GPR84: variants seen among roughly 807,000 people sequenced by gnomAD.
GPR84 encodes G-protein coupled receptor 84.
Under a neutral mutation model 14.9 loss-of-function variants are expected in GPR84, and 8 were observed. The observed-to-expected ratio is 0.54, with a 90% CI of 0.31 to 0.97. The LOEUF is 0.97. Among genes scored for constraint, GPR84 ranks in the 50% least tolerant of loss-of-function variants. The pLI, the probability that GPR84 is intolerant of heterozygous loss-of-function variation, is 0.04. For missense variants in GPR84, 424 were observed against 498.7 expected, an observed-to-expected ratio of 0.85 and a Z score of 1.43; for synonymous variants, 164 against 198.1, an observed-to-expected ratio of 0.83 and a Z score of 1.45.
downstream of GPR84, among the ~76,000 whole-genome samples, chr12:54,361,294 G>A (rs530255186): frequency 6.6e-6 from 1 of 152,058 alleles, no homozygotes; most frequent in Non-Finnish European, 1.5e-5. The surrounding 1 kb of genome is among the most constrained non-coding windows in gnomAD (Gnocchi z 4.3). Flanking sequence ...CGATTCTCCC[G>A]TCTCAGCCTC....
At chr12:54,355,067 G>T in the GPR84 span, among the ~76,000 whole-genome samples, 5 of 152,094 alleles carry the variant, frequency 3.3e-5, no homozygotes, top group African/African-American at 1.2e-4. Flanking sequence ...GGGGAGGGGC[G>T]AGAGGGAGAC....
downstream of GPR84, among the ~76,000 whole-genome samples, chr12:54,360,583 G>A (rs1224404579): frequency 2.6e-5 from 4 of 152,160 alleles, no homozygotes; most frequent in Non-Finnish European, 4.4e-5. Flanking sequence ...CGTGGAAGGA[G>A]GACAACCAAA....
chr12:54,360,384 A>T (rs180999198), downstream of GPR84, among the ~76,000 whole-genome samples: 1 of 152,320 alleles, frequency 6.6e-6, no homozygotes, highest in Admixed American at 6.5e-5. Context: ...CGCTTTGTAC[A>T]GATGATAAAA....
At position 54,363,572 on chromosome 12, in the gene GPR84, T is replaced by G. The variant is rs777713183; in HGVS notation, c.280A>C (p.Arg94=). ...LHWRTGATFC[R]VFGLLLFASN... ...GCAAAAAGGAGGAGCCCAAATACCC[T>G]GCAGAAGGTGGCACCGGTGCGCCAG... Residue 94 remains arginine (R), a synonymous_variant, in exon 2 of 2, where the codon AGG becomes CGG. Transcript: ENST00000267015. 12 of 1,614,126 alleles carry G rather than the reference T, an allele frequency of 7.4e-6. No individual in the cohort carries two copies. In the South Asian group the frequency reaches 1.2e-4, roughly 16 times the overall value.
rs772581482 is a variant in GPR84, at chr12:54,363,683, G to C, written c.169C>G (p.Leu57Val). The change falls in exon 2 of 2, where the codon CTG becomes GTG. Residue 57 changes from leucine to valine, a missense_variant. Transcript: ENST00000267015. Reference sequence around the variant, plus strand: ...GCCAGTGTGAGGTTGGCTATGAGCAGGTTGAATCGGGTACGGAGCTTGGGC... The same window carrying C: ...GCCAGTGTGAGGTTGGCTATGAGCACGTTGAATCGGGTACGGAGCTTGGGC... ...IQPKLRTRFN[L>V]LIANLTLADL... 1 of 1,614,090 alleles carries C rather than the reference G, an allele frequency of 6.2e-7. No individual in the cohort carries two copies. The highest frequency in any genetic ancestry group is 1.7e-5 in the Admixed American group (1 of 60,004).
In GPR84 at chr12:54,364,020, C is replaced by A. The variant is rs528359599; in HGVS notation, c.-8-161G>T. On this transcript the variant is annotated intron_variant, in intron 1 of 1. Coordinates refer to ENST00000267015, the MANE Select transcript of GPR84 (RefSeq NM_020370.3). ...TTCCCAGGCCTCTTCATCTCAAGAT[C>A]CCTAACTCTCTCCTTAGGTTCTCTT... The A allele has an allele frequency of 2.8e-3, 1,494 of 525,572 alleles. 3 individuals carry two copies. Among genetic ancestry groups the A allele is most frequent in the Non-Finnish European group, 4.1e-3 (1,211 of 296,544 alleles). 32.6% of individuals were successfully genotyped at this position (525,572 alleles called of 1,614,324 possible).
chr12:54,352,906 G>A, the GPR84 span, among the ~76,000 whole-genome samples: 1 of 152,190 alleles, frequency 6.6e-6, no homozygotes, highest in African/African-American at 2.4e-5. Flanking sequence ...TTTTGTCTTT[G>A]CCTGTCTGAG....
At chr12:54,363,955 G>C (rs1229469746) in intron 1 of GPR84, 96 bp from the exon 2 acceptor site, 4 of 758,798 alleles carry the variant, frequency 5.3e-6, no homozygotes, top group African/African-American at 5.3e-5. Context: ...CATCTAAACT[G>C]TTCCTGGACC....
At chr12:54,358,761 A>AC (rs538187487), downstream of GPR84, among the ~76,000 whole-genome samples, 15 of 148,716 alleles carry the variant, frequency 1.0e-4, no homozygotes, top group South Asian at 3.0e-3. Flanking sequence ...AAATTACCCA[A>AC]CCCCCCATTT....
downstream of GPR84, among the ~76,000 whole-genome samples, chr12:54,359,532 T>C (rs889664906): frequency 5.3e-5 from 8 of 151,146 alleles, no homozygotes; most frequent in Non-Finnish European, 1.0e-4. Flanking sequence ...GACGGACAGA[T>C]GGAAAGAGAC....
chr12:54,350,837 C>T, the GPR84 span: 15 of 406,108 alleles, frequency 3.7e-5, no homozygotes, highest in East Asian at 5.5e-4. Context: ...ATTCTGTGCC[C>T]TTTGCTGTAG....
chr12:54,362,652 G>T lies in GPR84; in HGVS notation c.*9C>A. 1 of 1,558,958 alleles carries T rather than the reference G, an allele frequency of 6.4e-7. No individual in the cohort carries two copies. The highest frequency in any genetic ancestry group is 1.1e-5 in the South Asian group (1 of 87,776). On this transcript the variant is annotated 3_prime_UTR_variant, in exon 2 of 2. Transcript: ENST00000267015. The surrounding 1 kb of genome is among the most constrained non-coding windows in gnomAD (Gnocchi z 4.0). The stretch of plus-strand genomic sequence containing the variant: ...ACAGTCCTGAATTCTGGTGACTAGG[G>T]TCACAGTTCTAATGGAGCCTATGGA...
At chr12:54,354,981 T>C in the GPR84 span, among the ~76,000 whole-genome samples, 1 of 151,806 alleles carries the variant, frequency 6.6e-6, no homozygotes, top group Non-Finnish European at 1.5e-5. Context: ...GGTTCTGAGG[T>C]GGGACTGAGG....
downstream of GPR84, among the ~76,000 whole-genome samples, chr12:54,360,191 G>A (rs781277543): frequency 8.5e-5 from 13 of 152,068 alleles, no homozygotes; most frequent in East Asian, 2.5e-3. Flanking sequence ...CTCAAATCAC[G>A]GTCTTACAAC....
the GPR84 span, among the ~76,000 whole-genome samples, chr12:54,354,582 G>A: frequency 6.7e-6 from 1 of 150,024 alleles, no homozygotes; most frequent in Non-Finnish European, 1.5e-5. Flanking sequence ...ACAGGCATGT[G>A]CCACTATGCC....
downstream of GPR84, among the ~76,000 whole-genome samples, chr12:54,359,444 G>A (rs1954246183): frequency 7.3e-6 from 1 of 136,698 alleles, no homozygotes; most frequent in Admixed American, 7.7e-5. Context: ...GCGCGGCAGC[G>A]GGGATTGGAG....
downstream of GPR84, among the ~76,000 whole-genome samples, chr12:54,359,739 C>T (rs569672831): frequency 5.3e-5 from 8 of 152,298 alleles, no homozygotes; most frequent in African/African-American, 1.9e-4. Flanking sequence ...TGGCCTCACT[C>T]GCCAAGCACA....
rs764900108 is a variant in GPR84 at position 54,362,896 on chromosome 12, C to T, written c.956G>A (p.Arg319Gln). 32 of 1,614,064 alleles carry T rather than the reference C, an allele frequency of 2.0e-5. No individual in the cohort carries two copies. The highest frequency in any genetic ancestry group is 1.6e-4 in the Middle Eastern group (1 of 6,084). The change falls in exon 2 of 2, where the codon CGA becomes CAA. Residue 319 changes from arginine (R) to glutamine (Q), a missense_variant. Arg to Gln is a conservative substitution (Grantham distance 43). Coordinates refer to ENST00000267015, the MANE Select transcript of GPR84 (RefSeq NM_020370.3). This position sits in a 1 kb window ranked among gnomAD's most constrained non-coding sequence, Gnocchi z 4.0. ...GCAGAGGAACACAGCAAAACACATT[C>T]GAGTCACCTTCCCAAATTCCGATGA... is the stretch of plus-strand genomic sequence containing the variant. ...DSSSEFGKVT[R>Q]MCFAVFLCFA... is the part of the protein sequence containing the mutation.
At chr12:54,352,510 T>G in the GPR84 span, among the ~76,000 whole-genome samples, 1 of 152,134 alleles carries the variant, frequency 6.6e-6, no homozygotes, top group African/African-American at 2.4e-5. Context: ...CTGCAGGATT[T>G]TTAAGGAGGG....
Sources: gnomAD v4.1 joint callset for allele counts (sites outside exome capture counted in the v4.1 genomes callset) on GRCh38, gnomAD v4.1.1 for gene constraint, Gnocchi (gnomAD v3.1) non-coding constraint, MANE v1.5 for transcripts, NCBI Gene and HGNC (gene_info 2026-07-23, HGNC 2026-07-21) for gene names.